The following DSG4 variants were observed in gnomAD, a reference collection of about 807,000 sequenced individuals.
The protein encoded by DSG4 is desmoglein-4.
Under a neutral mutation model 93.1 loss-of-function variants are expected in DSG4, and 87 were observed. That is an observed-to-expected ratio of 0.93 (90% CI 0.79 to 1.12). DSG4 has a LOEUF of 1.12. DSG4 is among the 50% of genes most tolerant of loss of function. The pLI, the probability that DSG4 is intolerant of heterozygous loss-of-function variation, is 0.00. For synonymous variants in DSG4, 432 were observed against 452.9 expected (o/e 0.95, Z 0.59); for missense variants, 1,373 against 1,285.7 (o/e 1.07, Z -1.04).
chr18:31,410,966 C>A (rs1057203461), intron 14 of DSG4: 1 of 994,616 alleles, frequency 1.0e-6, no homozygotes, highest in Non-Finnish European at 1.4e-6. Flanking sequence ...TTGGCTAGTT[C>A]TACACCTTTA....
intron 1 of DSG4, among the ~76,000 whole-genome samples, chr18:31,379,439 T>C (rs913169792): frequency 1.3e-5 from 2 of 152,218 alleles, no homozygotes; most frequent in Non-Finnish European, 2.9e-5. Flanking sequence ...TCTGAGGATT[T>C]AGGCAATTCT....
At position 31,380,344 on chromosome 18, in the gene DSG4, T is replaced by A. The variant is rs1413152101; in HGVS notation, c.48+3385T>A. Among the ~76,000 whole-genome samples the A allele has an allele frequency of 4.6e-5, 7 of 152,148 alleles. No homozygotes were observed. In the East Asian group the frequency reaches 1.2e-3, roughly 25 times the overall value. The stretch of plus-strand genomic sequence containing the variant: ...CTGACTCTTTTCTAGTTCTTAAGTA[T>A]CCAGGAAGGAGTTCCGTATAGAGCA... On this transcript the variant is annotated intron_variant, in intron 1 of 15. Transcript: ENST00000308128.
chr18:31,388,886 G>T lies in DSG4; in HGVS notation c.385G>T (p.Ala129Ser), dbSNP rs766917303. ...CAATTTTCCACAGATCTATTGCCGG[G>T]CTCTGAATTCACGGGGTGAAGATTT... ...ITPLFLIYCR[A>S]LNSRGEDLER... is the part of the protein sequence containing the mutation. Residue 129 changes from alanine (A) to serine (S), a missense_variant, in exon 5 of 16, where the codon GCT (alanine) becomes TCT (serine). Coordinates refer to ENST00000308128, the MANE Select transcript of DSG4 (RefSeq NM_177986.5). 4 of 1,613,528 alleles carry T rather than the reference G, an allele frequency of 2.5e-6. No homozygotes were observed. The highest frequency in any genetic ancestry group is 1.1e-5 in the South Asian group (1 of 91,030).
rs1186946040 is a variant in DSG4, at chr18:31,399,370, C to G, written c.1104C>G (p.His368Gln). The G allele has an allele frequency of 3.1e-6, 5 of 1,613,960 alleles. No individual in the cohort carries two copies. The highest frequency in any genetic ancestry group is 4.2e-6 in the Non-Finnish European group (5 of 1,179,982). The stretch of plus-strand genomic sequence containing the variant: ...CCGTTGCTTCTCAATTCCAAATGCA[C>G]CCAACCCCTGTGAGAATTCAAGTTG... The part of the protein sequence containing the change: ...HYSVASQFQM[H>Q]PTPVRIQVVD... The change falls in exon 9 of 16, where the codon CAC (histidine) becomes CAG (glutamine). Residue 368 changes from histidine (H) to glutamine (Q), a missense_variant. Coordinates refer to ENST00000308128, the MANE Select transcript of DSG4 (RefSeq NM_177986.5).
chr18:31,379,966 A>G (rs1020990136), intron 1 of DSG4, among the ~76,000 whole-genome samples: 1 of 152,210 alleles, frequency 6.6e-6, no homozygotes, highest in Non-Finnish European at 1.5e-5. Flanking sequence ...ATCACCGCAA[A>G]GGTTACATCG....
intron 10 of DSG4, chr18:31,401,656 T>C (rs2072368693): frequency 6.6e-6 from 1 of 152,194 alleles, no homozygotes; most frequent in African/African-American, 2.4e-5. Flanking sequence ...CAGGATTTGT[T>C]TATTTATCAA....
chr18:31,397,375 C>G (rs1411455112), intron 8 of DSG4, among the ~76,000 whole-genome samples: 2 of 152,158 alleles, frequency 1.3e-5, no homozygotes, highest in Non-Finnish European at 2.9e-5. Context: ...GTTTCCCCAG[C>G]CTCTCCCTTT....
At chr18:31,406,432 G>C in intron 12 of DSG4, 59 bp downstream of exon 12, 1 of 1,604,418 alleles carries the variant, frequency 6.2e-7, no homozygotes, top group Non-Finnish European at 8.5e-7. Context: ...CTGTTACGAG[G>C]CTCGCTGGGA....
In DSG4 at chr18:31,412,955, T is replaced by G; in HGVS notation, c.2483T>G (p.Leu828Ter). 1.2e-6 allele frequency: 2 copies of G among 1,614,164 alleles called. No homozygotes were observed. The highest frequency in any genetic ancestry group is 1.7e-6 in the Non-Finnish European group (2 of 1,180,020). Residue 828 changes from leucine to a stop codon, truncating the protein, a stop_gained, in exon 16 of 16, where the codon TTA becomes TGA. Transcript: ENST00000308128. LOFTEE classifies it low-confidence loss of function (END_TRUNC). ...TGTTGCAGTTGGATTGTGGATGACT[T>G]AGATGAAAGCTGCATGGAAACTTTA... is the stretch of plus-strand genomic sequence containing the variant. ...IGCCSWIVDD[L>*]DESCMETLDP...
At chr18:31,405,590 A>G (rs2144207829) in intron 11 of DSG4, among the ~76,000 whole-genome samples, 1 of 152,116 alleles carries the variant, frequency 6.6e-6, no homozygotes, top group South Asian at 2.1e-4. Flanking sequence ...AGAAAGAAAG[A>G]AAAGTAAAAA....
Position 31,392,223 on chromosome 18 carries a change from T to A in DSG4, c.888T>A (p.Asp296Glu). The change falls in exon 8 of 16, where the codon GAT becomes GAA. Residue 296 changes from aspartate (D) to glutamate (E), a missense_variant. Transcript: ENST00000308128. ...ELIRLQAIDL[D>E]EEGTDNWLAQ... is the part of the protein sequence containing the mutation. ...TACGATTACAAGCAATTGATCTTGA[T>A]GAAGAAGGCACTGATAACTGGTTGG... 2.5e-6 allele frequency: 4 copies of A among 1,613,838 alleles called. No individual in the cohort carries two copies. The highest frequency in any genetic ancestry group is 3.4e-6 in the Non-Finnish European group (4 of 1,179,862).
Position 31,406,379 on chromosome 18 carries a change from T to G in DSG4, c.1933+6T>G. The stretch of plus-strand genomic sequence containing the variant: ...GGGCATCCTGCTACTGATTTGTAAG[T>G]ACTCAATTAAATCCTTCTTTTCAAT... On this transcript the variant is annotated splice_donor_region_variant and intron_variant, in intron 12 of 15. Transcript: ENST00000308128. 6.2e-7 allele frequency: 1 copy of G among 1,614,106 alleles called. No homozygotes were observed. The highest frequency in any genetic ancestry group is 2.2e-5 in the East Asian group (1 of 44,886).
At chr18:31,412,773 T>C (rs2072508570) in intron 15 of DSG4, 55 bp from the exon 16 acceptor site, 2 of 1,595,700 alleles carry the variant, frequency 1.3e-6, no homozygotes, top group Non-Finnish European at 1.7e-6. Context: ...GCTGTTATTC[T>C]TCCTTATTTT....
At chr18:31,385,729 A>G (rs2072180406) in intron 2 of DSG4, among the ~76,000 whole-genome samples, 1 of 152,086 alleles carries the variant, frequency 6.6e-6, no homozygotes, top group African/African-American at 2.4e-5. Flanking sequence ...TTTTTGGTGA[A>G]ATAGGGAATA....
Position 31,388,861 on chromosome 18 carries a change from C to A in DSG4, c.373-13C>A. On this transcript the variant is annotated splice_polypyrimidine_tract_variant and intron_variant, in intron 4 of 15. Transcript: ENST00000308128. ...TTGGTGGAAAAAGATGGCTTTTTTC[C>A]AATTTTCCACAGATCTATTGCCGGG... 1 of 1,613,272 alleles carries A rather than the reference C, an allele frequency of 6.2e-7. No individual in the cohort carries two copies. Among genetic ancestry groups the A allele is most frequent in the East Asian group, 2.2e-5 (1 of 44,844 alleles).
chr18:31,399,624 A>G, intron 9 of DSG4, 81 bp downstream of exon 9: 3 of 1,585,330 alleles, frequency 1.9e-6, no homozygotes, highest in Non-Finnish European at 2.6e-6. Context: ...TGTTGGTTGT[A>G]ATACTTTTGG....
intron 1 of DSG4, among the ~76,000 whole-genome samples, chr18:31,384,841 A>G (rs1232063951): frequency 1.3e-5 from 2 of 152,056 alleles, no homozygotes; most frequent in Non-Finnish European, 2.9e-5. Context: ...CTACTCTCCT[A>G]GGAAGTCCTC....
chr18:31,388,011 G>C (rs988000451), intron 3 of DSG4, among the ~76,000 whole-genome samples: 1 of 152,010 alleles, frequency 6.6e-6, no homozygotes, highest in Admixed American at 6.6e-5. Flanking sequence ...TATGACACAA[G>C]TTATTTTTAA....
At chr18:31,391,720 C>T (rs1335838288) in intron 7 of DSG4, among the ~76,000 whole-genome samples, 4 of 152,004 alleles carry the variant, frequency 2.6e-5, no homozygotes, top group Non-Finnish European at 5.9e-5. Context: ...CATAGCTGTC[C>T]TCATGCCTTT....
Sources: gnomAD v4.1 joint callset for allele counts (sites outside exome capture counted in the v4.1 genomes callset) on GRCh38, gnomAD v4.1.1 for gene constraint, MANE v1.5 for transcripts, NCBI Gene and HGNC (gene_info 2026-07-23, HGNC 2026-07-21) for gene names.